ZNF536: variants seen among roughly 807,000 people sequenced by gnomAD.
ZNF536 encodes the protein zinc finger protein 536.
ZNF536 carries 13 observed loss-of-function variants against 84.5 expected under a neutral mutation model. The ratio of observed to expected loss-of-function variants is 0.15; its 90% CI spans 0.10 to 0.24. The LOEUF is 0.24. Ranked by LOEUF, ZNF536 falls within the 10% of genes least tolerant of loss-of-function variation. The probability of loss-of-function intolerance (pLI) is 1.00; values close to 1 mark genes in which losing one functional copy is unlikely to be tolerated. For synonymous variants in ZNF536, 811 were observed against 742.5 expected, an observed-to-expected ratio of 1.09 and a Z score of -1.50; for missense variants, 1,536 against 1,747.5, an observed-to-expected ratio of 0.88 and a Z score of 2.16.
intron 1 of ZNF536, among the ~76,000 whole-genome samples, chr19:30,235,951 G>C (rs1410266574): frequency 2.0e-5 from 3 of 152,226 alleles, no homozygotes; most frequent in Non-Finnish European, 4.4e-5. Flanking sequence ...GGCTGGATCT[G>C]TTCATTAAAC....
intron 2 of ZNF536, among the ~76,000 whole-genome samples, chr19:30,345,601 G>A (rs1165609724): frequency 1.3e-5 from 2 of 152,220 alleles, no homozygotes; most frequent in Non-Finnish European, 2.9e-5. Flanking sequence ...AAAATGTAGT[G>A]ACTCCACTTT....
intron 1 of ZNF536, among the ~76,000 whole-genome samples, chr19:30,681,667 G>T (rs1456191633): frequency 6.6e-6 from 1 of 152,164 alleles, no homozygotes; most frequent in Non-Finnish European, 1.5e-5. Flanking sequence ...GTCATAATTT[G>T]GATTCTAGGA....
intron 1 of ZNF536, among the ~76,000 whole-genome samples, chr19:30,671,063 G>T (rs376175975): frequency 1.5e-4 from 23 of 152,108 alleles, no homozygotes; most frequent in African/African-American, 4.8e-4. Context: ...CTCAATGCAC[G>T]CACGTGCTTC....
intron 2 of ZNF536, among the ~76,000 whole-genome samples, chr19:30,325,801 C>T (rs67256980): frequency 0.38 from 57,553 of 152,044 alleles, 11,198 homozygotes; most frequent in Middle Eastern, 0.48. Context: ...TCCAGATGTG[C>T]CCACTGTTGG....
Position 30,240,176 on chromosome 19 carries a change from C to T in ZNF536, c.-190+11503C>T, listed in dbSNP as rs561298397. Among the ~76,000 whole-genome samples the T allele has an allele frequency of 2.0e-5, 3 of 152,130 alleles. No homozygotes were observed. In the South Asian group the frequency reaches 6.2e-4, roughly 32 times the overall value. ...TTGAGGTCAGGAGATCGACACCAGC[C>T]TGGCCAACATGATGAAACCCCATCT... On this transcript the variant is annotated intron_variant, in intron 1 of 5. Coordinates refer to the ZNF536 transcript ENST00000585628.
At chr19:30,374,778 G>A (rs1346674482) in intron 1 of ZNF536, among the ~76,000 whole-genome samples, 3 of 151,394 alleles carry the variant, frequency 2.0e-5, no homozygotes, top group Non-Finnish European at 4.4e-5. Context: ...GAGGGAGGCC[G>A]GGGGAGCTGC....
intron 1 of ZNF536, among the ~76,000 whole-genome samples, chr19:30,279,332 C>T (rs144955369): frequency 6.6e-6 from 1 of 152,260 alleles, no homozygotes; most frequent in African/African-American, 2.4e-5. Context: ...TAGAATAGAG[C>T]CTGACTGCAG....
rs1302968003 is a variant in ZNF536 at position 30,548,139 on chromosome 19, G to T, written c.2520G>T (p.Gly840=). Residue 840 remains glycine (G), a synonymous_variant, in exon 4 of 5, where the codon GGG becomes GGT. Coordinates refer to ENST00000355537, the MANE Select transcript of ZNF536 (RefSeq NM_014717.3). ...SLFIRPDILR[G]AFKGLPGIDF... ...TCATCAGGCCAGACATCCTGAGGGGGGCCTTCAAGGGTCTCCCTGGAATCG... is the reference window on the plus strand; with the variant it reads ...TCATCAGGCCAGACATCCTGAGGGGTGCCTTCAAGGGTCTCCCTGGAATCG... 1 of 1,614,022 alleles carries T rather than the reference G, an allele frequency of 6.2e-7. No homozygotes were observed. Among genetic ancestry groups the T allele is most frequent in the South Asian group, 1.1e-5 (1 of 91,078 alleles).
downstream of ZNF536, among the ~76,000 whole-genome samples, chr19:30,562,416 A>C (rs577278011): frequency 2.6e-4 from 40 of 152,338 alleles, no homozygotes; most frequent in African/African-American, 8.7e-4. Context: ...TTAGAAGAAG[A>C]CCATTGAGGA....
intron 2 of ZNF536, among the ~76,000 whole-genome samples, chr19:30,458,238 T>C (rs2052948657): frequency 6.6e-6 from 1 of 152,078 alleles, no homozygotes; most frequent in South Asian, 2.1e-4. Flanking sequence ...CTCCACATCA[T>C]GGGAATTTGG....
chr19:30,508,682 G>A (rs1177812973), intron 2 of ZNF536, among the ~76,000 whole-genome samples: 1 of 151,916 alleles, frequency 6.6e-6, no homozygotes, highest in Non-Finnish European at 1.5e-5. Flanking sequence ...CAGCAGTGAG[G>A]GTACCTTCAA....
intron 1 of ZNF536, among the ~76,000 whole-genome samples, chr19:30,637,614 TA>T (rs1460687900): frequency 6.6e-6 from 1 of 152,228 alleles, no homozygotes; most frequent in Non-Finnish European, 1.5e-5. Context: ...AGTTTCCATC[TA>T]AAGAGTAACA....
intron 1 of ZNF536, among the ~76,000 whole-genome samples, chr19:30,643,160 T>G (rs1244986113): frequency 6.6e-6 from 1 of 152,208 alleles, no homozygotes; most frequent in Non-Finnish European, 1.5e-5. Context: ...AACGGGTGCT[T>G]CTTCTCCTGC....
At chr19:30,234,875 A>T (rs1252132135) in intron 1 of ZNF536, among the ~76,000 whole-genome samples, 2 of 152,148 alleles carry the variant, frequency 1.3e-5, no homozygotes, top group East Asian at 3.8e-4. Flanking sequence ...CCTTAATTAT[A>T]ATGATGGTCT....
chr19:30,327,336 C>A (rs2047072787), intron 2 of ZNF536, among the ~76,000 whole-genome samples: 2 of 152,278 alleles, frequency 1.3e-5, no homozygotes, highest in Admixed American at 6.5e-5. Context: ...TGACTGAACC[C>A]TGCCCCATCC....
rs919275987 is a variant in ZNF536 at position 30,511,811 on chromosome 19, G to A, written c.2171-23036G>A. Among the ~76,000 whole-genome samples, 6 of 152,250 alleles carry A rather than the reference G, an allele frequency of 3.9e-5. No homozygotes were observed. The Middle Eastern group carries it at 0.017, about 435-fold the overall frequency. On this transcript the variant is annotated intron_variant, in intron 2 of 4. Transcript: ENST00000355537. ...TAAAATGCAAGGAGACCGTATGCAC[G>A]TTAATGACAAGTTAACTTGTGTCTA... is the stretch of plus-strand genomic sequence containing the variant.
intron 1 of ZNF536, among the ~76,000 whole-genome samples, chr19:30,404,019 C>CTTTTTT (rs11336660): frequency 8.1e-6 from 1 of 123,372 alleles, no homozygotes; most frequent in Non-Finnish European, 1.6e-5. Flanking sequence ...TTCCTTTCCT[C>CTTTTTT]TTTTTTTTTT....
At chr19:30,701,452 AACACAAAC>A (rs1364277454) in intron 1 of ZNF536, among the ~76,000 whole-genome samples, 5 of 138,818 alleles carry the variant, frequency 3.6e-5, no homozygotes, top group Admixed American at 1.4e-4. Context: ...AACACACAGA[AACACAAAC>A]ACACAAACAC....
chr19:30,449,955 C>A (rs1460162069), intron 2 of ZNF536, among the ~76,000 whole-genome samples: 1 of 152,086 alleles, frequency 6.6e-6, no homozygotes, highest in Non-Finnish European at 1.5e-5. Flanking sequence ...GTGGCTCCCC[C>A]TCCCTGCCCC....
Sources: gnomAD v4.1 joint callset for allele counts (sites outside exome capture counted in the v4.1 genomes callset) on GRCh38, gnomAD v4.1.1 for gene constraint, MANE v1.5 for transcripts, NCBI Gene and HGNC (gene_info 2026-07-23, HGNC 2026-07-21) for gene names.